CSTPP1: variants seen among roughly 807,000 people sequenced by gnomAD.
CSTPP1 encodes centriolar satellite-associated tubulin polyglutamylase complex regulator 1.
At chr11:47,046,131 A>G in the CSTPP1 span, among the ~76,000 whole-genome samples, 2 of 152,056 alleles carry the variant, frequency 1.3e-5, no homozygotes, top group Non-Finnish European at 2.9e-5. Context: ...TCCTGTAGGT[A>G]TGGGGGTGAA....
At chr11:47,159,380 C>T in the CSTPP1 span, among the ~76,000 whole-genome samples, 1 of 151,996 alleles carries the variant, frequency 6.6e-6, no homozygotes. Flanking sequence ...TATAGTGGCC[C>T]GCACCTGTAA....
chr11:46,995,286 CTCTGA>C, the CSTPP1 span, among the ~76,000 whole-genome samples: 23 of 152,258 alleles, frequency 1.5e-4, no homozygotes, highest in South Asian at 4.6e-3. Context: ...TTCAGTTCTG[CTCTGA>C]TCTTAGTTAT....
chr11:46,975,215 T>C, the CSTPP1 span, among the ~76,000 whole-genome samples: 53 of 152,072 alleles, frequency 3.5e-4, no homozygotes, highest in Non-Finnish European at 4.4e-4. Flanking sequence ...AGGTCAAGGC[T>C]GCAGTGAGCC....
the CSTPP1 span, among the ~76,000 whole-genome samples, chr11:47,089,800 C>T: frequency 3.3e-5 from 5 of 152,040 alleles, no homozygotes; most frequent in East Asian, 3.8e-4. Flanking sequence ...AAAGTAGTGA[C>T]GTGGGTTTTA....
the CSTPP1 span, among the ~76,000 whole-genome samples, chr11:47,105,715 G>A: frequency 5.3e-5 from 8 of 152,126 alleles, no homozygotes; most frequent in Non-Finnish European, 1.0e-4. Flanking sequence ...GGCAGAAGAG[G>A]AGCTCAGATT....
the CSTPP1 span, among the ~76,000 whole-genome samples, chr11:47,013,207 A>G: frequency 6.7e-6 from 1 of 148,878 alleles, no homozygotes; most frequent in African/African-American, 2.4e-5. Context: ...TTATATATAA[A>G]TGGTTATATA....
At chr11:46,987,607 A>G in the CSTPP1 span, 1 of 256,636 alleles carries the variant, frequency 3.9e-6, no homozygotes, top group Non-Finnish European at 7.5e-6. Context: ...TATTCAAAAT[A>G]TTCACTTTGA....
the CSTPP1 span, among the ~76,000 whole-genome samples, chr11:46,941,365 A>G: frequency 6.6e-6 from 1 of 151,726 alleles, no homozygotes; most frequent in African/African-American, 2.4e-5. Context: ...CTTGAGACGG[A>G]GTCTCGCTCT....
chr11:47,127,569 C>A, the CSTPP1 span, among the ~76,000 whole-genome samples: 1 of 152,134 alleles, frequency 6.6e-6, no homozygotes, highest in East Asian at 1.9e-4. Flanking sequence ...TATGCAGGTG[C>A]CATCCCACCT....
chr11:46,971,860 A>G, the CSTPP1 span, among the ~76,000 whole-genome samples: 2 of 152,176 alleles, frequency 1.3e-5, no homozygotes, highest in Non-Finnish European at 2.9e-5. Context: ...AGATAGGAGA[A>G]TAGTGAGAGC....
the CSTPP1 span, chr11:47,138,082 TA>T: frequency 3.6e-6 from 1 of 275,968 alleles, no homozygotes; most frequent in Non-Finnish European, 6.8e-6. Flanking sequence ...CACGCTACTG[TA>T]AAGATACTAC....
chr11:47,159,690 T>C, the CSTPP1 span: 1 of 455,858 alleles, frequency 2.2e-6, no homozygotes, highest in South Asian at 1.5e-5. Context: ...AGTAACCTCA[T>C]CCCCCTTTTC....
chr11:47,059,578 C>T, the CSTPP1 span, among the ~76,000 whole-genome samples: 1 of 152,190 alleles, frequency 6.6e-6, no homozygotes, highest in South Asian at 2.1e-4. Context: ...ACAGGGAACA[C>T]GATTTCTGAA....
chr11:46,948,157 A>G, the CSTPP1 span: 1 of 456,162 alleles, frequency 2.2e-6, no homozygotes, highest in Non-Finnish European at 4.4e-6. Flanking sequence ...AGTCCTGCAA[A>G]TTGACACGTA....
the CSTPP1 span, among the ~76,000 whole-genome samples, chr11:47,023,055 T>C: frequency 6.6e-6 from 1 of 152,150 alleles, no homozygotes; most frequent in Non-Finnish European, 1.5e-5. Context: ...GGGCCTCAGA[T>C]TCTGATTTTT....
At chr11:47,034,690 G>A in the CSTPP1 span, among the ~76,000 whole-genome samples, 1 of 151,854 alleles carries the variant, frequency 6.6e-6, no homozygotes, top group Admixed American at 6.6e-5. Flanking sequence ...GTAGAGATGG[G>A]GTTTTTCCAT....
chr11:47,055,334 C>A, the CSTPP1 span, among the ~76,000 whole-genome samples: 70 of 150,414 alleles, frequency 4.7e-4, 1 homozygote, highest in South Asian at 0.015. Flanking sequence ...TTCCTTCGTT[C>A]CTTCCTTCCT....
At chr11:47,113,323 C>T in the CSTPP1 span, among the ~76,000 whole-genome samples, 1 of 152,186 alleles carries the variant, frequency 6.6e-6, no homozygotes, top group Non-Finnish European at 1.5e-5. Flanking sequence ...GTCTTTATAG[C>T]AGCATGATTT....
the CSTPP1 span, among the ~76,000 whole-genome samples, chr11:46,995,174 T>C: frequency 6.6e-6 from 1 of 152,230 alleles, no homozygotes; most frequent in African/African-American, 2.4e-5. Flanking sequence ...TCTTTTCTTC[T>C]TTATTAGTCT....
Sources: gnomAD v4.1 joint callset for allele counts (sites outside exome capture counted in the v4.1 genomes callset) on GRCh38, gnomAD v4.1.1 for gene constraint, MANE v1.5 for transcripts, NCBI Gene and HGNC (gene_info 2026-07-23, HGNC 2026-07-21) for gene names.